NSUN6: variants seen among roughly 807,000 people sequenced by gnomAD.
NSUN6 encodes tRNA (cytosine(72)-C(5))-methyltransferase NSUN6.
Under a neutral mutation model 58.0 loss-of-function variants are expected in NSUN6, and 64 were observed. That is an observed-to-expected ratio of 1.10 (90% confidence interval 0.90 to 1.36). The LOEUF (loss-of-function observed/expected upper bound fraction) is 1.36. NSUN6 is among the 40% of genes most tolerant of loss of function. The probability of loss-of-function intolerance (pLI) is 0.00; values close to 1 mark genes in which losing one functional copy is unlikely to be tolerated. For missense variants in NSUN6, 701 were observed against 550.1 expected (o/e 1.27, Z -2.74); for synonymous variants, 231 against 193.9 (o/e 1.19, Z -1.59).
At chr10:18,594,438 T>G (rs12765690) in intron 7 of NSUN6, among the ~76,000 whole-genome samples, 31,721 of 151,528 alleles carry the variant, frequency 0.21, 3,664 homozygotes, top group South Asian at 0.31. Flanking sequence ...TCTGTTTTTT[T>G]TTGTTGTTGT....
intron 10 of NSUN6, among the ~76,000 whole-genome samples, chr10:18,547,390 TC>T (rs1334899464): frequency 2.6e-5 from 4 of 152,222 alleles, no homozygotes; most frequent in Admixed American, 6.6e-5. Flanking sequence ...AATGTAATTA[TC>T]TTAATTTACG....
At chr10:18,622,160 G>A (rs1002085332) in intron 3 of NSUN6, among the ~76,000 whole-genome samples, 1 of 152,134 alleles carries the variant, frequency 6.6e-6, no homozygotes, top group African/African-American at 2.4e-5. Flanking sequence ...CAATGTGATG[G>A]TATTTGGAGA....
intron 1 of NSUN6, among the ~76,000 whole-genome samples, chr10:18,649,727 G>A (rs1208215036): frequency 6.6e-6 from 1 of 151,850 alleles, no homozygotes; most frequent in African/African-American, 2.4e-5. Context: ...CCACTGATGA[G>A]ACTCGAGGCA....
chr10:18,592,377 C>G (rs1236489521), intron 7 of NSUN6, among the ~76,000 whole-genome samples: 1 of 151,958 alleles, frequency 6.6e-6, no homozygotes, highest in Non-Finnish European at 1.5e-5. Context: ...ATACTTTAAA[C>G]TTCATATGGA....
chr10:18,601,631 G>A (rs1028841010), intron 6 of NSUN6, among the ~76,000 whole-genome samples: 1 of 152,140 alleles, frequency 6.6e-6, no homozygotes, highest in Admixed American at 6.5e-5. Flanking sequence ...GGTTTGGGGT[G>A]AAGAAACACT....
At chr10:18,655,216 T>C, upstream of NSUN6, 1 of 897,030 alleles carries the variant, frequency 1.1e-6, no homozygotes, top group Non-Finnish European at 1.3e-6. Context: ...ACAAAGAAAA[T>C]GGTATTAACA....
upstream of NSUN6, chr10:18,652,514 T>G (rs145140500): frequency 2.1e-4 from 204 of 984,658 alleles, no homozygotes; most frequent in Non-Finnish European, 2.4e-4. Context: ...TAGAAAATAA[T>G]GAATGACCAT....
chr10:18,617,949 T>A (rs1393702793), intron 3 of NSUN6, among the ~76,000 whole-genome samples: 1 of 152,180 alleles, frequency 6.6e-6, no homozygotes, highest in African/African-American at 2.4e-5. Flanking sequence ...GGACTTCGTA[T>A]CCTCCAACAC....
chr10:18,596,177 GA>G (rs747398602), intron 7 of NSUN6, 30 bp downstream of exon 7: 10 of 1,578,664 alleles, frequency 6.3e-6, no homozygotes, highest in Non-Finnish European at 8.7e-6. Flanking sequence ...ACACTACTTT[GA>G]GAGTGGATTT....
chr10:18,558,105 G>C (rs533128308), intron 8 of NSUN6, among the ~76,000 whole-genome samples: 1 of 150,460 alleles, frequency 6.6e-6, no homozygotes, highest in African/African-American at 2.4e-5. Flanking sequence ...GAATGGAATA[G>C]AGTGGAATGG....
intron 5 of NSUN6, among the ~76,000 whole-genome samples, chr10:18,611,764 TCTCA>T (rs1480847722): frequency 4.0e-5 from 6 of 151,820 alleles, no homozygotes; most frequent in African/African-American, 4.8e-5. Flanking sequence ...GTGTGTACAG[TCTCA>T]CTATGTTGCC....
In NSUN6 at chr10:18,551,978, AGAGAATTATAAT is replaced by A; in HGVS notation, c.923-19_923-8del. On this transcript the variant is annotated splice_region_variant and splice_polypyrimidine_tract_variant and intron_variant, in intron 8 of 10. Transcript: ENST00000377304. ...GGTAGAAATGGAGGTTCTCCTATAA[AGAGAATTATAAT>A]CATGTTTACTATCTTCCATATAGGT... 6.3e-7 allele frequency: 1 copy of A among 1,575,180 alleles called. No individual in the cohort carries two copies. Among genetic ancestry groups the A allele is most frequent in the Admixed American group, 1.7e-5 (1 of 59,168 alleles).
intron 6 of NSUN6, among the ~76,000 whole-genome samples, chr10:18,598,434 C>A (rs1431664523): frequency 6.6e-6 from 1 of 152,220 alleles, no homozygotes; most frequent in African/African-American, 2.4e-5. Flanking sequence ...GTTTATCCAG[C>A]AAGCTCTACT....
chr10:18,658,401 A>C (rs993506891), upstream of NSUN6: 2 of 152,318 alleles, frequency 1.3e-5, no homozygotes, highest in African/African-American at 4.8e-5. Flanking sequence ...GTCAGAGTCT[A>C]AAAAAATTTT....
chr10:18,626,896 A>C lies in NSUN6; in HGVS notation c.312-10603T>G, dbSNP rs376480804. Among the ~76,000 whole-genome samples the C allele has an allele frequency of 3.9e-5, 6 of 152,352 alleles. No individual in the cohort carries two copies. In the East Asian group the frequency reaches 1.2e-3, roughly 29 times the overall value. On this transcript the variant is annotated intron_variant, in intron 3 of 10. Transcript: ENST00000377304. ...ATTGTGAAAGAAAGGAAGAAAATTA[A>C]TGTTCTGGCCTGCTTGAACTATTTT...
At chr10:18,627,962 GACAA>G (rs934398363) in intron 3 of NSUN6, among the ~76,000 whole-genome samples, 1 of 152,256 alleles carries the variant, frequency 6.6e-6, no homozygotes, top group Non-Finnish European at 1.5e-5. Flanking sequence ...GCAGGGCACA[GACAA>G]ACAAATAGAC....
At chr10:18,569,167 T>C (rs1015999196) in intron 8 of NSUN6, among the ~76,000 whole-genome samples, 8 of 149,678 alleles carry the variant, frequency 5.3e-5, no homozygotes, top group African/African-American at 2.0e-4. Context: ...CATTCCATTC[T>C]CTATTCCATT....
intron 3 of NSUN6, among the ~76,000 whole-genome samples, chr10:18,626,075 G>A (rs932020496): frequency 1.3e-5 from 2 of 152,130 alleles, no homozygotes; most frequent in Non-Finnish European, 2.9e-5. Context: ...GGAAAGGGCA[G>A]GGGGTGCGGG....
upstream of NSUN6, chr10:18,658,788 A>C (rs2059805712): frequency 4.1e-6 from 1 of 246,556 alleles, no homozygotes; most frequent in African/African-American, 2.3e-5. Context: ...AGATCGCTTG[A>C]GCCCAGGAAA....
Sources: allele counts gnomAD v4.1 joint callset (sites outside exome capture counted in the v4.1 genomes callset), GRCh38; gene constraint gnomAD v4.1.1; transcripts MANE v1.5; gene names NCBI Gene and HGNC (gene_info 2026-07-23, HGNC 2026-07-21).